MAPRE2: variants seen among roughly 807,000 people sequenced by gnomAD.
MAPRE2 encodes microtubule-associated protein RP/EB family member 2.
A neutral mutation model predicts 43.2 loss-of-function variants in MAPRE2; 13 were observed. The ratio of observed to expected loss-of-function variants is 0.30; its 90% CI spans 0.20 to 0.48. The LOEUF (loss-of-function observed/expected upper bound fraction) is 0.48. Ranked by LOEUF, MAPRE2 falls within the 20% of genes least tolerant of loss-of-function variation. The pLI is 0.99. For missense variants in MAPRE2, 161 were observed against 400.2 expected, an observed-to-expected ratio of 0.40 and a Z score of 5.10; for synonymous variants, 135 against 148.8, an observed-to-expected ratio of 0.91 and a Z score of 0.68.
intron 1 of MAPRE2, among the ~76,000 whole-genome samples, chr18:35,047,282 T>C (rs905250392): frequency 6.6e-6 from 1 of 152,252 alleles, no homozygotes; most frequent in African/African-American, 2.4e-5. Context: ...TTATTCTTCC[T>C]GACTTCAGGC....
At chr18:35,019,101 A>G (rs1487989101) in intron 2 of MAPRE2, among the ~76,000 whole-genome samples, 2 of 151,822 alleles carry the variant, frequency 1.3e-5, no homozygotes, top group Non-Finnish European at 2.9e-5. Flanking sequence ...AAAAGTTATT[A>G]GGGAGCAAGT....
chr18:35,052,609 G>A (rs6507115), intron 1 of MAPRE2, among the ~76,000 whole-genome samples: 17,984 of 152,138 alleles, frequency 0.12, 1,716 homozygotes, highest in African/African-American at 0.25. Context: ...TATGGCTGGT[G>A]TTTAACTTTT....
At chr18:35,077,272 TAC>T (rs201550975) in intron 2 of MAPRE2, among the ~76,000 whole-genome samples, 4,475 of 84,282 alleles carry the variant, frequency 0.053, 206 homozygotes, top group African/African-American at 0.25. Flanking sequence ...CACACACACA[TAC>T]ACACACACAC....
At position 35,003,358 on chromosome 18, in the gene MAPRE2, C is replaced by T. The variant is rs553410917; in HGVS notation, c.-69-2134C>T. ...AGAAAGGAGATAGATACTGGTCTGC[C>T]AGACTCAATTAAAATCTATCCCTTT... On this transcript the variant is annotated intron_variant, in intron 1 of 7. Coordinates refer to the MAPRE2 transcript ENST00000413393. 2.0e-5 allele frequency among the ~76,000 whole-genome samples: 3 copies of T among 152,310 alleles called. No homozygotes were observed. In the East Asian group the frequency reaches 5.8e-4, roughly 29 times the overall value.
intron 2 of MAPRE2, among the ~76,000 whole-genome samples, chr18:35,079,437 T>G (rs1907529143): frequency 6.6e-6 from 1 of 152,216 alleles, no homozygotes; most frequent in East Asian, 1.9e-4. Flanking sequence ...TATGAAAAGT[T>G]GATGGTTTCT....
In MAPRE2 at chr18:35,041,589, ACAT is replaced by A; in HGVS notation, c.55_57del (p.Ile19del). ...TCCCCAAATGGCGAGAACAACAACG[ACAT>A]CATCCAGGATAATAACGGGACCATC... On this transcript the variant is annotated inframe_deletion, in exon 1 of 7. Transcript: ENST00000300249. The A allele has an allele frequency of 6.2e-7, 1 of 1,614,196 alleles. No individual in the cohort carries two copies. Among genetic ancestry groups the A allele is most frequent in the Non-Finnish European group, 8.5e-7 (1 of 1,180,028 alleles).
At chr18:35,022,438 A>T (rs536634676) in intron 2 of MAPRE2, among the ~76,000 whole-genome samples, 1 of 152,326 alleles carries the variant, frequency 6.6e-6, no homozygotes, top group South Asian at 2.1e-4. Context: ...TCAATAAAAA[A>T]GTAGTTAAAA....
chr18:35,114,027 C>T (rs1048429283), intron 4 of MAPRE2, among the ~76,000 whole-genome samples: 1 of 152,148 alleles, frequency 6.6e-6, no homozygotes, highest in African/African-American at 2.4e-5. Flanking sequence ...TATTACCCTC[C>T]ACTTTAAAGT....
At chr18:35,052,102 G>A (rs1905967392) in intron 1 of MAPRE2, among the ~76,000 whole-genome samples, 1 of 152,120 alleles carries the variant, frequency 6.6e-6, no homozygotes, top group South Asian at 2.1e-4. Flanking sequence ...TTTATGTACA[G>A]TAAACTGCAG....
intron 2 of MAPRE2, among the ~76,000 whole-genome samples, chr18:35,084,862 G>A (rs1907796684): frequency 6.6e-6 from 1 of 152,202 alleles, no homozygotes; most frequent in Non-Finnish European, 1.5e-5. Context: ...AGTTGAAACC[G>A]GATTTCTGAA....
chr18:35,111,328 A>G (rs1409232228), intron 4 of MAPRE2, among the ~76,000 whole-genome samples: 1 of 151,802 alleles, frequency 6.6e-6, no homozygotes. Flanking sequence ...TTATGAGCAT[A>G]TTTCCTTTAC....
At chr18:35,114,707 G>A (rs978552904) in intron 4 of MAPRE2, among the ~76,000 whole-genome samples, 2 of 152,168 alleles carry the variant, frequency 1.3e-5, no homozygotes, top group African/African-American at 2.4e-5. Flanking sequence ...AGAGGAGGGC[G>A]AGGGTCTCCA....
In MAPRE2 at chr18:34,980,189, C is replaced by A. The variant is rs561789776; in HGVS notation, c.-70+3110C>A. Reference sequence around the variant, plus strand: ...TACAGGCACACATCATCATGCCCAGCTAATTTTTGTATTTTTATAGAGATG... The same window carrying A: ...TACAGGCACACATCATCATGCCCAGATAATTTTTGTATTTTTATAGAGATG... On this transcript the variant is annotated intron_variant, in intron 1 of 7. Coordinates refer to the MAPRE2 transcript ENST00000413393. 3.3e-5 allele frequency among the ~76,000 whole-genome samples: 5 copies of A among 151,972 alleles called. No homozygotes were observed. In the South Asian group the frequency reaches 6.2e-4, roughly 19 times the overall value.
chr18:35,109,288 A>G (rs1361282472), intron 4 of MAPRE2, among the ~76,000 whole-genome samples: 1 of 152,032 alleles, frequency 6.6e-6, no homozygotes, highest in Non-Finnish European at 1.5e-5. Context: ...GTGTGGTGTT[A>G]TTTCTGAGGT....
At chr18:35,031,845 T>C (rs1386144369) in intron 2 of MAPRE2, among the ~76,000 whole-genome samples, 6 of 152,222 alleles carry the variant, frequency 3.9e-5, no homozygotes, top group African/African-American at 1.4e-4. Flanking sequence ...AGAGGCTTTC[T>C]TCATCTGGAG....
chr18:35,103,642 G>C (rs1908778121), intron 4 of MAPRE2, among the ~76,000 whole-genome samples: 1 of 152,166 alleles, frequency 6.6e-6, no homozygotes, highest in Non-Finnish European at 1.5e-5. Context: ...ATGATAAAGG[G>C]TAGAGTGTCT....
At chr18:35,105,801 G>A (rs1908878127) in intron 4 of MAPRE2, among the ~76,000 whole-genome samples, 1 of 151,890 alleles carries the variant, frequency 6.6e-6, no homozygotes, top group Non-Finnish European at 1.5e-5. Context: ...GAGCCTCATA[G>A]TATCCTGGGA....
At chr18:35,095,710 T>C (rs1331433343) in intron 2 of MAPRE2, among the ~76,000 whole-genome samples, 1 of 152,146 alleles carries the variant, frequency 6.6e-6, no homozygotes, top group Non-Finnish European at 1.5e-5. Context: ...ATCCCATCCA[T>C]ATAAAAATAA....
At chr18:35,053,459 G>T (rs779756295) in intron 1 of MAPRE2, among the ~76,000 whole-genome samples, 1 of 151,476 alleles carries the variant, frequency 6.6e-6, no homozygotes, top group African/African-American at 2.4e-5. Context: ...AATAGTAACA[G>T]AATAATTATT....
Sources: gnomAD v4.1 joint callset for allele counts (sites outside exome capture counted in the v4.1 genomes callset) on GRCh38, gnomAD v4.1.1 for gene constraint, MANE v1.5 for transcripts, NCBI Gene and HGNC (gene_info 2026-07-23, HGNC 2026-07-21) for gene names.